CARD6: variants seen among roughly 807,000 people sequenced by gnomAD.
CARD6 encodes the protein caspase recruitment domain-containing protein 6.
CARD6 carries 27 observed loss-of-function variants against 23.6 expected under a neutral mutation model. The observed-to-expected ratio is 1.14, with a 90% CI of 0.84 to 1.58. The LOEUF (loss-of-function observed/expected upper bound fraction) is 1.58, where lower values mean the gene tolerates loss of function less well. Among genes scored for constraint, CARD6 ranks in the 40% most tolerant of loss-of-function variants. CARD6 has a pLI of 0.00. For missense variants in CARD6, 1,214 were observed against 1,209.9 expected (o/e 1.00, Z -0.05); for synonymous variants, 397 against 431.8 (o/e 0.92, Z 1.00).
chr5:40,848,835 TA>T (rs1373642380), intron 2 of CARD6, among the ~76,000 whole-genome samples: 2 of 152,166 alleles, frequency 1.3e-5, no homozygotes, highest in Admixed American at 1.3e-4. Flanking sequence ...TTTTAATTTA[TA>T]AAATTGAGAT....
At chr5:40,845,718 A>G (rs1239909171) in intron 2 of CARD6, among the ~76,000 whole-genome samples, 1 of 151,700 alleles carries the variant, frequency 6.6e-6, no homozygotes, top group Admixed American at 6.6e-5. Flanking sequence ...CATCTCTTAC[A>G]TATTGTTTGG....
intron 2 of CARD6, among the ~76,000 whole-genome samples, chr5:40,850,062 CTT>C (rs1271952743): frequency 6.6e-6 from 1 of 151,762 alleles, no homozygotes; most frequent in African/African-American, 2.4e-5. Context: ...CCGAGAAAAA[CTT>C]TGAAGGAAAT....
chr5:40,852,856 A>T lies in CARD6; in HGVS notation c.1524A>T (p.Thr508=). 1 of 1,614,174 alleles carries T rather than the reference A, an allele frequency of 6.2e-7. No individual in the cohort carries two copies. Among genetic ancestry groups the T allele is most frequent in the Non-Finnish European group, 8.5e-7 (1 of 1,180,028 alleles). ...TCTCTGATGGCCTGGTTGAGATAAC[A>T]TGGTGTTTTCCTGATAGCGATGATA... is the stretch of plus-strand genomic sequence containing the variant. ...RQISDGLVEI[T]WCFPDSDDRK... The change falls in exon 3 of 3, where the codon ACA becomes ACT. Residue 508 remains threonine, a synonymous_variant. Transcript: ENST00000254691.
In CARD6 at chr5:40,844,250, A is replaced by C. The variant is rs138700945; in HGVS notation, c.841+541A>C. 3.9e-3 allele frequency among the ~76,000 whole-genome samples: 587 copies of C among 152,244 alleles called. 2 individuals are homozygous for C. Among genetic ancestry groups the C allele is most frequent in the Non-Finnish European group, 4.7e-3 (318 of 68,016 alleles). ...TCTGAATATTTCTTTATTTAAAAAA[A>C]ATTTGTTTTTAAACAGGGTCTCACT... On this transcript the variant is annotated intron_variant, in intron 2 of 2. Transcript: ENST00000254691.
chr5:40,854,138 A>G lies in CARD6; in HGVS notation c.2806A>G (p.Met936Val), dbSNP rs1398946235. ...AGCTCTCCAAATAGGGTCCCATCCC[A>G]TGTGCAAGAGCTCTCAGTTCAAATC... ...NPALQIGSHP[M>V]CKSSQFKSDQ... The change falls in exon 3 of 3, where the codon ATG becomes GTG. Residue 936 changes from methionine to valine, a missense_variant. Coordinates refer to ENST00000254691, the MANE Select transcript of CARD6 (RefSeq NM_032587.4). 4 of 1,614,084 alleles carry G rather than the reference A, an allele frequency of 2.5e-6. No individual in the cohort carries two copies. Among genetic ancestry groups the G allele is most frequent in the East Asian group, 4.5e-5 (2 of 44,902 alleles).
chr5:40,845,098 C>T (rs185069883), intron 2 of CARD6, among the ~76,000 whole-genome samples: 101 of 152,158 alleles, frequency 6.6e-4, no homozygotes, highest in Non-Finnish European at 1.2e-3. Flanking sequence ...GAACTCCTAA[C>T]CTCAAGTAAT....
rs1746158228 is a variant in CARD6, at chr5:40,854,624, CTT to C, written c.*179_*180del. Reference sequence around the variant, plus strand: ...TGTTTGTTTGAGACAGAGTTTCACTCTTGTTGCCCAGGCTGGAGTGCAATGGC... The same window carrying C: ...TGTTTGTTTGAGACAGAGTTTCACTCGTTGCCCAGGCTGGAGTGCAATGGC... On this transcript the variant is annotated 3_prime_UTR_variant, in exon 3 of 3. Coordinates refer to ENST00000254691, the MANE Select transcript of CARD6 (RefSeq NM_032587.4). 1.6e-6 allele frequency: 1 copy of C among 621,520 alleles called. No individual in the cohort carries two copies. The highest frequency in any genetic ancestry group is 1.8e-5 in the African/African-American group (1 of 54,362). The allele number at this position is 621,520 out of a possible 1,614,324, so 38.5% of individuals were successfully genotyped here. A position where few individuals can be genotyped will look rare whatever the true frequency, so the allele number is the denominator to read the frequency against.
In CARD6 at chr5:40,854,817, C is replaced by T. The variant is rs1400270434; in HGVS notation, c.*371C>T. The T allele has an allele frequency of 2.5e-5, 5 of 202,436 alleles. No homozygotes were observed. Among genetic ancestry groups the T allele is most frequent in the African/African-American group, 4.6e-5 (2 of 43,218 alleles). 12.5% of individuals were successfully genotyped at this position (202,436 alleles called of 1,614,324 possible). On this transcript the variant is annotated 3_prime_UTR_variant, in exon 3 of 3. Coordinates refer to ENST00000254691, the MANE Select transcript of CARD6 (RefSeq NM_032587.4). ...GTTGGTCAGGCTGGTCTTGAACTCC[C>T]GACCTCAGGTGATCCGCCCACCTAG...
In CARD6 at chr5:40,854,302, T is replaced by G. The variant is rs1746148395; in HGVS notation, c.2970T>G (p.Thr990=). The change falls in exon 3 of 3, where the codon ACT becomes ACG. Residue 990 remains threonine, a synonymous_variant. Transcript: ENST00000254691. Reference sequence around the variant, plus strand: ...CTAAACCTTCTCCATGCAAATCTACTCAGCCTAAGCCAAGCCAGCCCTGGC... The same window carrying G: ...CTAAACCTTCTCCATGCAAATCTACGCAGCCTAAGCCAAGCCAGCCCTGGC... ...SQTKPSPCKS[T]QPKPSQPWPP... is the part of the protein sequence containing the mutation. The G allele has an allele frequency of 6.2e-7, 1 of 1,614,014 alleles. No individual in the cohort carries two copies. Among genetic ancestry groups the G allele is most frequent in the Admixed American group, 1.7e-5 (1 of 59,982 alleles).
chr5:40,845,366 A>G (rs886492550), intron 2 of CARD6, among the ~76,000 whole-genome samples: 4 of 152,180 alleles, frequency 2.6e-5, no homozygotes, highest in Non-Finnish European at 4.4e-5. Context: ...GGCCCACCCT[A>G]ATAACATTAT....
In CARD6 at chr5:40,852,517, G is replaced by C; in HGVS notation, c.1185G>C (p.Met395Ile). Residue 395 changes from methionine to isoleucine, a missense_variant, in exon 3 of 3, where the codon ATG becomes ATC. Met to Ile is a conservative substitution (Grantham distance 10). Transcript: ENST00000254691. ...CSDSSLQRQV[M>I]SNMYQCQFAL... The stretch of plus-strand genomic sequence containing the variant: ...ATAGCTCTTTGCAACGCCAAGTCAT[G>C]TCAAACATGTATCAGTGCCAGTTTG... 1 of 1,614,194 alleles carries C rather than the reference G, an allele frequency of 6.2e-7. No homozygotes were observed. The highest frequency in any genetic ancestry group is 1.1e-5 in the South Asian group (1 of 91,088).
rs746414422 is a variant in CARD6, at chr5:40,854,300, A to AAGC, written c.2968_2969insAGC (p.Thr990delinsLysPro). The stretch of plus-strand genomic sequence containing the variant: ...AACTAAACCTTCTCCATGCAAATCT[A>AAGC]CTCAGCCTAAGCCAAGCCAGCCCTG... On this transcript the variant is annotated protein_altering_variant, in exon 3 of 3. Transcript: ENST00000254691. The AAGC allele has an allele frequency of 3.9e-5, 63 of 1,613,856 alleles. No homozygotes were observed. The highest frequency in any genetic ancestry group is 5.0e-5 in the Non-Finnish European group (59 of 1,179,994).
In CARD6 at chr5:40,841,432, A is replaced by G. The variant is rs372421200; in HGVS notation, c.50A>G (p.Lys17Arg). The G allele has an allele frequency of 1.9e-6, 3 of 1,612,796 alleles. No individual in the cohort carries two copies. Among genetic ancestry groups the G allele is most frequent in the Non-Finnish European group, 1.7e-6 (2 of 1,179,622 alleles). The change falls in exon 1 of 3, where the codon AAG (lysine) becomes AGG (arginine). Residue 17 changes from lysine to arginine, a missense_variant. Transcript: ENST00000254691. ...GAGATCATAGAAAGAGAAAGAAAAAAGTTGCTTGAAATCCTTCAACATGAT... is the reference window on the plus strand; with the variant it reads ...GAGATCATAGAAAGAGAAAGAAAAAGGTTGCTTGAAATCCTTCAACATGAT... Reference protein sequence around the residue: ...PSEIIERERKKLLEILQHDPD... With the variant: ...PSEIIERERKRLLEILQHDPD...
In CARD6 at chr5:40,843,374, A is replaced by G. The variant is rs905039771; in HGVS notation, c.506A>G (p.Tyr169Cys). The G allele has an allele frequency of 6.2e-7, 1 of 1,614,074 alleles. No individual in the cohort carries two copies. Among genetic ancestry groups the G allele is most frequent in the South Asian group, 1.1e-5 (1 of 91,084 alleles). ...ALSARKNEKE[Y>C]DTPEVTLSYS... The stretch of plus-strand genomic sequence containing the variant: ...TCTGCCAGGAAGAATGAGAAGGAAT[A>G]TGACACACCAGAAGTCACATTATCA... The change falls in exon 2 of 3, where the codon TAT becomes TGT. Residue 169 changes from tyrosine (Y) to cysteine (C), a missense_variant. Coordinates refer to ENST00000254691, the MANE Select transcript of CARD6 (RefSeq NM_032587.4).
intron 1 of CARD6, among the ~76,000 whole-genome samples, chr5:40,842,234 A>T (rs1180729508): frequency 6.6e-6 from 1 of 152,236 alleles, no homozygotes; most frequent in Admixed American, 6.5e-5. Flanking sequence ...TGAAAAAGCA[A>T]TTCTTCCAGT....
chr5:40,852,886 G>C lies in CARD6; in HGVS notation c.1554G>C (p.Lys518Asn). Residue 518 changes from lysine (K) to asparagine (N), a missense_variant, in exon 3 of 3, where the codon AAG becomes AAC. Coordinates refer to ENST00000254691, the MANE Select transcript of CARD6 (RefSeq NM_032587.4). ...GTTTTCCTGATAGCGATGATAGAAAGGAAAACCCCTTTTTCCAAAAGCCTG... is the reference window on the plus strand; with the variant it reads ...GTTTTCCTGATAGCGATGATAGAAACGAAAACCCCTTTTTCCAAAAGCCTG... ...TWCFPDSDDRKENPFFQKPVA... is the reference protein window; with the variant it reads ...TWCFPDSDDRNENPFFQKPVA... 1 of 1,613,950 alleles carries C rather than the reference G, an allele frequency of 6.2e-7. No individual in the cohort carries two copies. The highest frequency in any genetic ancestry group is 2.2e-5 in the East Asian group (1 of 44,880).
chr5:40,854,509 AG>A lies in CARD6; in HGVS notation c.*64del. ...CCCAGGCCATTCCTATCATATAGTA[AG>A]CAGAAGAGTTGCCATGAAAGTAAAA... On this transcript the variant is annotated 3_prime_UTR_variant, in exon 3 of 3. Coordinates refer to ENST00000254691, the MANE Select transcript of CARD6 (RefSeq NM_032587.4). 7.6e-7 allele frequency: 1 copy of A among 1,317,024 alleles called. No homozygotes were observed. The highest frequency in any genetic ancestry group is 1.1e-6 in the Non-Finnish European group (1 of 938,816). The allele number at this position is 1,317,024 out of a possible 1,614,324, so 81.6% of individuals were successfully genotyped here. A position where few individuals can be genotyped will look rare whatever the true frequency, so the allele number is the denominator to read the frequency against.
intron 2 of CARD6, among the ~76,000 whole-genome samples, chr5:40,850,278 G>A (rs1247873421): frequency 6.6e-6 from 1 of 151,366 alleles, no homozygotes; most frequent in South Asian, 2.1e-4. Context: ...GCCAGGTGTG[G>A]TGGCACCCGC....
chr5:40,841,532 T>A lies in CARD6; in HGVS notation c.150T>A (p.Val50=). ...SEEEYETLEN[V]TDLLKKSRKL... ...AAGAGTATGAGACTCTGGAGAATGT[T>A]ACAGATCTCCTGAAGAAAAGTCGGA... The change falls in exon 1 of 3, where the codon GTT becomes GTA. Residue 50 remains valine, a synonymous_variant. Transcript: ENST00000254691. The A allele has an allele frequency of 2.5e-6, 4 of 1,614,170 alleles. No individual in the cohort carries two copies. The highest frequency in any genetic ancestry group is 3.4e-6 in the Non-Finnish European group (4 of 1,180,020).
Sources: gnomAD v4.1 joint callset for allele counts (sites outside exome capture counted in the v4.1 genomes callset) on GRCh38, gnomAD v4.1.1 for gene constraint, MANE v1.5 for transcripts, NCBI Gene and HGNC (gene_info 2026-07-23, HGNC 2026-07-21) for gene names.